The following ST7L variants were observed in gnomAD, a reference collection of about 807,000 sequenced individuals.
ST7L encodes the protein suppression of tumorigenicity 7 like, also known as suppressor of tumorigenicity 7 protein-like.
ST7L carries 57 observed loss-of-function variants against 72.5 expected under a neutral mutation model. The observed-to-expected ratio is 0.79, with a 90% CI of 0.64 to 0.98. The LOEUF (loss-of-function observed/expected upper bound fraction) is 0.98, where lower values mean the gene tolerates loss of function less well. Among genes scored for constraint, ST7L ranks in the 50% least tolerant of loss-of-function variants. The pLI, the probability that ST7L is intolerant of heterozygous loss-of-function variation, is 0.00. For missense variants in ST7L, 576 were observed against 672.2 expected (o/e 0.86, Z 1.58); for synonymous variants, 221 against 240.9 (o/e 0.92, Z 0.77).
chr1:112,608,696 C>T (rs913392235), intron 3 of ST7L, among the ~76,000 whole-genome samples: 2 of 152,042 alleles, frequency 1.3e-5, no homozygotes, highest in Non-Finnish European at 2.9e-5. Context: ...CTTAATATGC[C>T]TTACTCTTAG....
intron 11 of ST7L, among the ~76,000 whole-genome samples, chr1:112,574,389 C>A (rs890798758): frequency 6.6e-6 from 1 of 151,442 alleles, no homozygotes; most frequent in Admixed American, 6.6e-5. Context: ...GCCAGACGCA[C>A]TGGCTCACGC....
At chr1:112,591,756 A>G (rs1371838736) in intron 5 of ST7L, among the ~76,000 whole-genome samples, 153 bp from the exon 6 acceptor site, 1 of 152,178 alleles carries the variant, frequency 6.6e-6, no homozygotes, top group Non-Finnish European at 1.5e-5. Flanking sequence ...ATTATCTATT[A>G]TGAGAAATTT....
At chr1:112,552,363 C>T (rs1022438787) in intron 12 of ST7L, among the ~76,000 whole-genome samples, 6 of 152,126 alleles carry the variant, frequency 3.9e-5, no homozygotes, top group Admixed American at 2.6e-4. Context: ...TTTTTCCTTT[C>T]GTGTTTGGCT....
At chr1:112,566,307 T>G (rs1258636618) in intron 11 of ST7L, among the ~76,000 whole-genome samples, 1 of 142,274 alleles carries the variant, frequency 7.0e-6, no homozygotes, top group Non-Finnish European at 1.5e-5. Context: ...CTTTTTTTTT[T>G]TTTTTTTTGA....
intron 4 of ST7L, among the ~76,000 whole-genome samples, chr1:112,600,139 C>T (rs1302170099): frequency 6.6e-6 from 1 of 152,114 alleles, no homozygotes; most frequent in Non-Finnish European, 1.5e-5. Flanking sequence ...CTCCTGGGTT[C>T]AAGTGATTCT....
chr1:112,524,275 G>A lies in ST7L; in HGVS notation c.*1738C>T, dbSNP rs1653079944. On this transcript the variant is annotated 3_prime_UTR_variant, in exon 15 of 15. Transcript: ENST00000358039. ...GGATTTTTTTTTCCTCAGTCTTTCT[G>A]AGGTTTTTATTTAAATGCACTCAGT... 1 of 152,468 alleles carries A rather than the reference G, an allele frequency of 6.6e-6. No individual in the cohort carries two copies. Among genetic ancestry groups the A allele is most frequent in the South Asian group, 2.1e-4 (1 of 4,806 alleles). 9.4% of individuals were successfully genotyped at this position (152,468 alleles called of 1,614,324 possible).
At chr1:112,581,200 T>C (rs1365888384) in intron 9 of ST7L, among the ~76,000 whole-genome samples, 1 of 152,102 alleles carries the variant, frequency 6.6e-6, no homozygotes, top group Non-Finnish European at 1.5e-5. Flanking sequence ...ATTGCTCTTA[T>C]AGTATATACT....
intron 12 of ST7L, among the ~76,000 whole-genome samples, chr1:112,554,489 G>A (rs1486853489): frequency 2.0e-5 from 3 of 152,182 alleles, no homozygotes; most frequent in East Asian, 3.9e-4. Flanking sequence ...TGACAAGGAT[G>A]TGAAGAAATT....
intron 3 of ST7L, chr1:112,607,237 A>G (rs182003091): frequency 6.6e-6 from 1 of 152,254 alleles, no homozygotes; most frequent in Admixed American, 6.5e-5. Context: ...CACTTAGGAT[A>G]CTATAGCAAT....
intron 14 of ST7L, among the ~76,000 whole-genome samples, chr1:112,537,366 CTGAGTT>C (rs1490326291): frequency 6.6e-6 from 1 of 152,208 alleles, no homozygotes; most frequent in African/African-American, 2.4e-5. Flanking sequence ...TACCACAAGT[CTGAGTT>C]TGTCAGTAAG....
chr1:112,547,476 A>G (rs1356580596), intron 13 of ST7L, among the ~76,000 whole-genome samples: 1 of 147,564 alleles, frequency 6.8e-6, no homozygotes, highest in African/African-American at 2.5e-5. Flanking sequence ...TACAGGCGTG[A>G]GCCCCATGTC....
chr1:112,585,304 T>C (rs549517033), intron 6 of ST7L, among the ~76,000 whole-genome samples: 16 of 152,342 alleles, frequency 1.1e-4, no homozygotes, highest in African/African-American at 3.6e-4. Flanking sequence ...TAGCCACATG[T>C]GGTTATTGAG....
At chr1:112,583,808 C>T (rs1240335657) in intron 7 of ST7L, among the ~76,000 whole-genome samples, 164 bp downstream of exon 7, 1 of 152,230 alleles carries the variant, frequency 6.6e-6, no homozygotes, top group Non-Finnish European at 1.5e-5. Flanking sequence ...GGCTAATACA[C>T]ATTTCTGTCT....
chr1:112,603,992 A>G (rs932546798), intron 3 of ST7L, among the ~76,000 whole-genome samples: 7 of 152,162 alleles, frequency 4.6e-5, no homozygotes, highest in Admixed American at 6.6e-5. Context: ...TGGCCCCCCA[A>G]AATTCATGTC....
chr1:112,528,559 T>A (rs1653837768), intron 14 of ST7L: 2 of 152,324 alleles, frequency 1.3e-5, no homozygotes, highest in South Asian at 4.1e-4. Flanking sequence ...CAGCTCCTTA[T>A]CATTTGAGAT....
In ST7L at chr1:112,550,591, A is replaced by G; in HGVS notation, c.1489+10T>C. ...CTTTTAAGTTTAAGAAAACTAAAATATTTACTTACTAGGTAATAGCTCTCT... is the reference window on the plus strand; with the variant it reads ...CTTTTAAGTTTAAGAAAACTAAAATGTTTACTTACTAGGTAATAGCTCTCT... On this transcript the variant is annotated intron_variant, in intron 13 of 14. Coordinates refer to ENST00000358039, the MANE Select transcript of ST7L (RefSeq NM_017744.5). 5 of 1,595,822 alleles carry G rather than the reference A, an allele frequency of 3.1e-6. No homozygotes were observed. Among genetic ancestry groups the G allele is most frequent in the Non-Finnish European group, 4.3e-6 (5 of 1,165,596 alleles).
At chr1:112,618,674 C>T (rs1670337499) in intron 1 of ST7L, 1 of 826,284 alleles carries the variant, frequency 1.2e-6, no homozygotes, top group Non-Finnish European at 1.8e-6. Flanking sequence ...CATGGAAAAA[C>T]GAGGACATAA....
intron 14 of ST7L, among the ~76,000 whole-genome samples, chr1:112,533,155 A>T (rs1404385353): frequency 1.3e-5 from 2 of 151,936 alleles, no homozygotes; most frequent in Non-Finnish European, 2.9e-5. Context: ...CTGTTTCTTT[A>T]GTATTATTGT....
At chr1:112,578,915 A>G (rs1663599849) in intron 9 of ST7L, among the ~76,000 whole-genome samples, 1 of 152,228 alleles carries the variant, frequency 6.6e-6, no homozygotes, top group South Asian at 2.1e-4. Flanking sequence ...GAAGTTGAAA[A>G]AGCTGAATCT....
Sources: gnomAD v4.1 joint callset for allele counts (sites outside exome capture counted in the v4.1 genomes callset) on GRCh38, gnomAD v4.1.1 for gene constraint, MANE v1.5 for transcripts, NCBI Gene and HGNC (gene_info 2026-07-23, HGNC 2026-07-21) for gene names.